The following ATG10 variants were observed in gnomAD, a reference collection of about 807,000 sequenced individuals.
The protein encoded by ATG10 is autophagy related 10.
ATG10 carries 30 observed loss-of-function variants against 32.1 expected under a neutral mutation model. The ratio of observed to expected loss-of-function variants is 0.94; its 90% CI spans 0.70 to 1.27. The LOEUF (loss-of-function observed/expected upper bound fraction) is 1.27. ATG10 is among the 50% of genes most tolerant of loss of function. ATG10 has a pLI of 0.00. For missense variants in ATG10, 233 were observed against 262.3 expected (o/e 0.89, Z 0.77); for synonymous variants, 87 against 91.5 (o/e 0.95, Z 0.28).
intron 2 of ATG10, among the ~76,000 whole-genome samples, chr5:82,035,074 A>G (rs1762871236): frequency 6.6e-6 from 1 of 151,854 alleles, no homozygotes; most frequent in Non-Finnish European, 1.5e-5. Context: ...ACCATGCCTG[A>G]CCAATTTTTG....
chr5:82,072,401 T>A (rs577945099), intron 3 of ATG10, among the ~76,000 whole-genome samples: 2 of 152,070 alleles, frequency 1.3e-5, no homozygotes, highest in Non-Finnish European at 2.9e-5. Flanking sequence ...TAGGGTTATA[T>A]CTCTCCTAAT....
At chr5:82,099,383 TTTAC>T (rs1174844446) in intron 3 of ATG10, among the ~76,000 whole-genome samples, 1 of 151,842 alleles carries the variant, frequency 6.6e-6, no homozygotes, top group Non-Finnish European at 1.5e-5. Context: ...TGAGAAAATA[TTTAC>T]TTTATCTTTT....
chr5:82,101,486 C>G (rs1246040632), intron 3 of ATG10, among the ~76,000 whole-genome samples: 2 of 152,230 alleles, frequency 1.3e-5, no homozygotes, highest in Admixed American at 1.3e-4. Flanking sequence ...AGTTTTCTAG[C>G]TAGGTGTATT....
chr5:82,113,020 G>T (rs1434209811), intron 3 of ATG10, among the ~76,000 whole-genome samples: 2 of 151,906 alleles, frequency 1.3e-5, no homozygotes, highest in African/African-American at 4.8e-5. Context: ...CATTTGAGAA[G>T]TAAGAAGCTA....
intron 2 of ATG10, among the ~76,000 whole-genome samples, chr5:82,056,957 T>C (rs1056667287): frequency 3.9e-5 from 6 of 152,202 alleles, no homozygotes; most frequent in African/African-American, 1.4e-4. Context: ...AGGATCTGCT[T>C]TGTGGTCAGA....
intron 3 of ATG10, among the ~76,000 whole-genome samples, chr5:82,099,190 T>C (rs1482540390): frequency 6.6e-6 from 1 of 152,186 alleles, no homozygotes; most frequent in Non-Finnish European, 1.5e-5. Context: ...GAAAAAACTT[T>C]ACCTCTATAA....
chr5:81,973,178 G>C (rs1760775286), intron 1 of ATG10: 1 of 152,388 alleles, frequency 6.6e-6, no homozygotes, highest in African/African-American at 2.4e-5. Context: ...CGCCCAGGCT[G>C]GAGTGCAGTG....
intron 3 of ATG10, among the ~76,000 whole-genome samples, chr5:82,103,016 A>T (rs940330265): frequency 3.9e-5 from 6 of 152,216 alleles, no homozygotes; most frequent in South Asian, 2.1e-4. Context: ...AGATTAGTTT[A>T]AAAAAAGGGG....
At chr5:82,169,267 T>C (rs1490388706) in intron 4 of ATG10, among the ~76,000 whole-genome samples, 1 of 151,156 alleles carries the variant, frequency 6.6e-6, no homozygotes, top group Non-Finnish European at 1.5e-5. Flanking sequence ...TCCTAGAAAT[T>C]GTGCCTGAGT....
intron 5 of ATG10, among the ~76,000 whole-genome samples, chr5:82,233,779 C>T (rs144464281): frequency 5.6e-4 from 86 of 152,290 alleles, no homozygotes; most frequent in African/African-American, 2.0e-3. Context: ...AGAAAAAAAA[C>T]TTTTCTGTCT....
At chr5:82,101,767 A>G (rs542448449) in intron 3 of ATG10, among the ~76,000 whole-genome samples, 3 of 152,184 alleles carry the variant, frequency 2.0e-5, no homozygotes, top group South Asian at 4.1e-4. Context: ...AAGAGACCTG[A>G]TATGTAGTTT....
intron 3 of ATG10, among the ~76,000 whole-genome samples, chr5:82,150,617 A>T (rs537701902): frequency 6.6e-6 from 1 of 152,212 alleles, no homozygotes; most frequent in Non-Finnish European, 1.5e-5. Flanking sequence ...TTCCAGGAAT[A>T]ATTTCTGTCA....
chr5:82,144,574 T>A (rs1767273086), intron 3 of ATG10, among the ~76,000 whole-genome samples: 1 of 151,832 alleles, frequency 6.6e-6, no homozygotes, highest in Non-Finnish European at 1.5e-5. Flanking sequence ...ACCCATGGGT[T>A]ATTTAGAAGT....
chr5:82,111,066 T>G (rs1765604331), intron 3 of ATG10, among the ~76,000 whole-genome samples: 1 of 152,012 alleles, frequency 6.6e-6, no homozygotes, highest in Non-Finnish European at 1.5e-5. Flanking sequence ...CCATATACAT[T>G]GATCTGTTTT....
intron 5 of ATG10, among the ~76,000 whole-genome samples, chr5:82,219,094 A>G (rs1310663949): frequency 6.6e-6 from 1 of 152,248 alleles, no homozygotes; most frequent in African/African-American, 2.4e-5. Context: ...CTTCTTAGAC[A>G]AGGAAAGCAT....
chr5:82,223,692 A>G (rs774963624), intron 5 of ATG10, among the ~76,000 whole-genome samples: 2 of 152,254 alleles, frequency 1.3e-5, no homozygotes, highest in African/African-American at 2.4e-5. Context: ...ATAATAAAAA[A>G]TTACATAATG....
intron 3 of ATG10, among the ~76,000 whole-genome samples, chr5:82,154,423 A>G (rs888614498): frequency 1.3e-5 from 2 of 152,312 alleles, no homozygotes; most frequent in African/African-American, 2.4e-5. Flanking sequence ...TAGTATACCT[A>G]TGTGCCAGAT....
intron 4 of ATG10, among the ~76,000 whole-genome samples, chr5:82,171,999 G>A (rs899023435): frequency 6.6e-6 from 1 of 152,168 alleles, no homozygotes; most frequent in African/African-American, 2.4e-5. Context: ...GACCATAAGA[G>A]AGGTAAAAGG....
At chr5:82,183,957 C>CATTG (rs1310687310) in intron 5 of ATG10, among the ~76,000 whole-genome samples, 10 of 152,178 alleles carry the variant, frequency 6.6e-5, no homozygotes, top group African/African-American at 2.2e-4. Context: ...TGGCCAAAGA[C>CATTG]ATTGGCTCCT....
Sources: allele counts gnomAD v4.1 joint callset (sites outside exome capture counted in the v4.1 genomes callset), GRCh38; gene constraint gnomAD v4.1.1; transcripts MANE v1.5; gene names NCBI Gene and HGNC (gene_info 2026-07-23, HGNC 2026-07-21).